HERC2: variants seen among roughly 807,000 people sequenced by gnomAD.
HERC2 encodes the protein HECT and RLD domain containing E3 ubiquitin protein ligase 2, also known as E3 ubiquitin-protein ligase HERC2.
In HERC2, 102 loss-of-function variants were observed where a neutral mutation model predicts 537.7. That is an observed-to-expected ratio of 0.19 (90% confidence interval 0.16 to 0.22). The LOEUF (loss-of-function observed/expected upper bound fraction) is 0.22, where lower values mean the gene tolerates loss of function less well. HERC2 is among the 10% of genes least tolerant of loss of function. The probability of loss-of-function intolerance (pLI) is 1.00; values close to 1 mark genes in which losing one functional copy is unlikely to be tolerated. For missense variants in HERC2, 4,236 were observed against 6,198.2 expected (o/e 0.68, Z 10.63); for synonymous variants, 2,224 against 2,466.2 (o/e 0.90, Z 2.91).
rs1326826637 is a variant in HERC2 at position 28,268,590 on chromosome 15, G to A, written c.1473C>T (p.Ala491=). The A allele has an allele frequency of 3.1e-6, 5 of 1,614,028 alleles. No homozygotes were observed. The highest frequency in any genetic ancestry group is 2.2e-5 in the East Asian group (1 of 44,898). ...CAGCAATTTTTACAATGTTTCTGGA[G>A]GCAAGGCCTTGGACCAGCTGTGGGG... ...TLAPQLVQGL[A]SRNIVKIAAH... Residue 491 remains alanine (A), a synonymous_variant, in exon 12 of 93, where the codon GCC becomes GCT. Coordinates refer to ENST00000261609, the MANE Select transcript of HERC2 (RefSeq NM_004667.6). This position sits in a 1 kb window ranked among gnomAD's most constrained non-coding sequence, Gnocchi z 4.7.
chr15:28,136,984 T>A (rs531290976), intron 78 of HERC2, among the ~76,000 whole-genome samples: 2 of 151,876 alleles, frequency 1.3e-5, no homozygotes. Flanking sequence ...AGCAAAGATG[T>A]GCAACATTTA....
intron 22 of HERC2, 21 bp from the exon 23 acceptor site, chr15:28,246,087 G>T: frequency 6.8e-7 from 1 of 1,474,156 alleles, no homozygotes; most frequent in Non-Finnish European, 9.3e-7. Context: ...GAAATAATAA[G>T]ATTTAAATAA....
chr15:28,255,275 C>T (rs1166775138), intron 19 of HERC2, among the ~76,000 whole-genome samples: 1 of 152,084 alleles, frequency 6.6e-6, no homozygotes, highest in African/African-American at 2.4e-5. Flanking sequence ...GACAAGGCTG[C>T]AGTGAGCCAA....
chr15:28,220,644 C>A lies in HERC2; in HGVS notation c.5653G>T (p.Asp1885Tyr). The A allele has an allele frequency of 6.2e-7, 1 of 1,603,648 alleles. No individual in the cohort carries two copies. The highest frequency in any genetic ancestry group is 8.5e-7 in the Non-Finnish European group (1 of 1,179,764). Reference sequence around the variant, plus strand: ...CGGCCTAGGCCTGGAGGAGGCCCATCCTGAGAAAGCCAAAGTAGAGATCAG... The same window carrying A: ...CGGCCTAGGCCTGGAGGAGGCCCATACTGAGAAAGCCAAAGTAGAGATCAG... ...RGVDWKWGDQ[D>Y]GPPPGLGRVI... is the part of the protein sequence containing the mutation. Residue 1885 changes from aspartate (D) to tyrosine (Y), a missense_variant and splice_region_variant, in exon 37 of 93, where the codon GAT becomes TAT. Around this residue, in one of 27 missense-constraint regions of HERC2, gnomAD observed 365 missense variants for 468.8 expected, o/e 0.78. Transcript: ENST00000261609.
chr15:28,243,862 A>C (rs1903386878), intron 23 of HERC2, among the ~76,000 whole-genome samples: 1 of 152,176 alleles, frequency 6.6e-6, no homozygotes, highest in South Asian at 2.1e-4. Flanking sequence ...CCACCAAGAA[A>C]CAGAAAGAAT....
intron 78 of HERC2, among the ~76,000 whole-genome samples, chr15:28,140,510 T>C (rs1891108582): frequency 2.0e-5 from 3 of 152,140 alleles, no homozygotes; most frequent in South Asian, 2.1e-4. Flanking sequence ...AATATTTCTA[T>C]ATATCAGTGG....
At chr15:28,297,872 A>G (rs2076511275) in intron 3 of HERC2, among the ~76,000 whole-genome samples, 1 of 148,762 alleles carries the variant, frequency 6.7e-6, no homozygotes, top group African/African-American at 2.5e-5. Flanking sequence ...ACTAGAATCA[A>G]TTACATACAT....
At chr15:28,232,253 T>C (rs1288938609) in intron 30 of HERC2, among the ~76,000 whole-genome samples, 1 of 152,102 alleles carries the variant, frequency 6.6e-6, no homozygotes, top group East Asian at 1.9e-4. Context: ...CATAAGAATA[T>C]GATCAGAGGC....
At chr15:28,318,752 T>C (rs1250323823) in intron 2 of HERC2, among the ~76,000 whole-genome samples, 2 of 152,140 alleles carry the variant, frequency 1.3e-5, no homozygotes, top group African/African-American at 4.8e-5. Context: ...ATCCAAATAA[T>C]GTCTATGATA....
chr15:28,160,262 TCAGA>T (rs1282828700), intron 69 of HERC2, among the ~76,000 whole-genome samples: 1 of 152,208 alleles, frequency 6.6e-6, no homozygotes, highest in Admixed American at 6.5e-5. Flanking sequence ...TTCAAAGCTG[TCAGA>T]CAGGGACATT....
intron 86 of HERC2, among the ~76,000 whole-genome samples, chr15:28,118,900 G>A (rs1018257650): frequency 9.2e-5 from 14 of 152,218 alleles, no homozygotes; most frequent in Non-Finnish European, 1.8e-4. Context: ...ACCCGGGGCC[G>A]TGGCTGAGCC....
chr15:28,256,138 G>T lies in HERC2; in HGVS notation c.2697C>A (p.Pro899=). 6.2e-7 allele frequency: 1 copy of T among 1,601,842 alleles called. No individual in the cohort carries two copies. The highest frequency in any genetic ancestry group is 8.5e-7 in the Non-Finnish European group (1 of 1,179,536). ...GTGCCCGGGCCCGCTCCTCCGCGGT[G>T]GGCAGCAGCACGGACCAGCCACTCT... ...VLQSGWSVLL[P]TAEERARALS... Residue 899 remains proline (P), a synonymous_variant, in exon 18 of 93, where the codon CCC becomes CCA. Coordinates refer to ENST00000261609, the MANE Select transcript of HERC2 (RefSeq NM_004667.6).
At chr15:28,243,672 C>A (rs952806592) in intron 23 of HERC2, among the ~76,000 whole-genome samples, 3 of 152,148 alleles carry the variant, frequency 2.0e-5, no homozygotes, top group African/African-American at 7.2e-5. Context: ...ATTGAAACCA[C>A]AATGAGATAC....
In HERC2 at chr15:28,156,290, T is replaced by A. The variant is rs543567822; in HGVS notation, c.10747-3460A>T. 5.9e-3 allele frequency among the ~76,000 whole-genome samples: 896 copies of A among 152,354 alleles called. 7 individuals carry two copies. Among genetic ancestry groups the A allele is most frequent in the Middle Eastern group, 0.017 (5 of 294 alleles). ...TGAACTTTAAAGTAGTTTTTTCCAA[T>A]TCTGTGAAGAAAGTCATTGGTAGCT... On this transcript the variant is annotated intron_variant, in intron 69 of 92. Coordinates refer to ENST00000261609, the MANE Select transcript of HERC2 (RefSeq NM_004667.6).
At chr15:28,144,535 G>A in intron 72 of HERC2, 138 bp downstream of exon 72, 1 of 1,177,524 alleles carries the variant, frequency 8.5e-7, no homozygotes, top group Non-Finnish European at 1.2e-6. Context: ...CCTCAGCAGG[G>A]CCTGTGAGAG....
At chr15:28,288,013 C>A (rs1304557857) in intron 4 of HERC2, among the ~76,000 whole-genome samples, 1 of 152,134 alleles carries the variant, frequency 6.6e-6, no homozygotes, top group Non-Finnish European at 1.5e-5. Flanking sequence ...TGAGCCACTG[C>A]TCCCAGCCAC....
rs199876765 is a variant in HERC2, at chr15:28,206,229, C to T, written c.7212+11G>A. 1,610 of 1,448,156 alleles carry T rather than the reference C, an allele frequency of 1.1e-3. 19 individuals carry two copies. Among genetic ancestry groups the T allele is most frequent in the Non-Finnish European group, 1.2e-3 (1,298 of 1,065,116 alleles). The allele number at this position is 1,448,156 out of a possible 1,614,324, so 89.7% of individuals were successfully genotyped here. A position where few individuals can be genotyped will look rare whatever the true frequency, so the allele number is the denominator to read the frequency against. On this transcript the variant is annotated intron_variant, in intron 45 of 92. Coordinates refer to ENST00000261609, the MANE Select transcript of HERC2 (RefSeq NM_004667.6). ...TGTGGATTAAAAACTGTCAAGGCTG[C>T]ATGGCTGTACCTCAAGTTCCTGTTT...
Position 28,176,834 on chromosome 15 carries a change from C to T in HERC2, c.9433-66G>A, listed in dbSNP as rs1895337294. ...ACGGAGAAAGCAATGGATTTTCCCA[C>T]AGATAAAGCCAACCATGCACACATC... On this transcript the variant is annotated intron_variant, in intron 61 of 92. Transcript: ENST00000261609. The surrounding 1 kb of genome is among the most constrained non-coding windows in gnomAD (Gnocchi z 5.0). The T allele has an allele frequency of 1.9e-6, 3 of 1,585,450 alleles. No individual in the cohort carries two copies. Among genetic ancestry groups the T allele is most frequent in the Admixed American group, 3.3e-5 (2 of 59,828 alleles).
chr15:28,281,328 G>A (rs183136785), intron 4 of HERC2, among the ~76,000 whole-genome samples: 4 of 152,148 alleles, frequency 2.6e-5, no homozygotes, highest in Admixed American at 1.3e-4. Flanking sequence ...TAAGGGAATT[G>A]TAAGTTACCT....
Sources: gnomAD v4.1 joint callset for allele counts (sites outside exome capture counted in the v4.1 genomes callset) on GRCh38, gnomAD v4.1.1 for gene constraint, gnomAD v4.1.1 regional missense constraint, Gnocchi (gnomAD v3.1) non-coding constraint, MANE v1.5 for transcripts, NCBI Gene and HGNC (gene_info 2026-07-23, HGNC 2026-07-21) for gene names.